The following TMEM230 variants were observed in gnomAD, a reference collection of about 807,000 sequenced individuals.
The protein encoded by TMEM230 is UPF0414 transmembrane protein C20orf30.
In TMEM230, 10 loss-of-function variants were observed where a neutral mutation model predicts 15.8. The observed-to-expected ratio is 0.63, with a 90% confidence interval of 0.39 to 1.07. The LOEUF is 1.07. Among genes scored for constraint, TMEM230 ranks in the 50% least tolerant of loss-of-function variants. The probability of loss-of-function intolerance (pLI) is 0.01; values close to 1 mark genes in which losing one functional copy is unlikely to be tolerated. For synonymous variants in TMEM230, 67 were observed against 76.9 expected (o/e 0.87, Z 0.68); for missense variants, 165 against 193.3 (o/e 0.85, Z 0.87).
chr20:5,110,742 G>C (rs1390928287), intron 2 of TMEM230, among the ~76,000 whole-genome samples: 1 of 151,916 alleles, frequency 6.6e-6, no homozygotes, highest in Non-Finnish European at 1.5e-5. Context: ...AAATTTTAAA[G>C]AAAGAAAGAA....
chr20:5,095,256 C>G (rs551845526), downstream of TMEM230, among the ~76,000 whole-genome samples: 15 of 152,136 alleles, frequency 9.9e-5, no homozygotes, highest in Non-Finnish European at 1.9e-4. Flanking sequence ...CAAGCCAGCA[C>G]CTCCAGTGTT....
chr20:5,069,419 T>G, intron 3 of TMEM230: 1 of 1,447,794 alleles, frequency 6.9e-7, no homozygotes, highest in South Asian at 1.4e-5. Flanking sequence ...AAATCCTAAT[T>G]GTCAAGAAAT....
downstream of TMEM230, chr20:5,067,410 C>CATATATATATATATATATAT (rs60791101): frequency 2.0e-5 from 2 of 102,308 alleles, no homozygotes; most frequent in Non-Finnish European, 4.0e-5. Flanking sequence ...TGTTTAGGCT[C>CATATATATATATATATATAT]ATATATATAT....
rs372558619 is a variant in TMEM230 at position 5,108,295 on chromosome 20, C to T, written c.288+1037G>A. ...TTAGCTGGGCGTGGTGGCGCATGCC[C>T]GTAATCCCAGCTACTTGGGAGGCTG... On this transcript the variant is annotated intron_variant, in intron 3 of 4. Coordinates refer to ENST00000342308, the MANE Select transcript of TMEM230 (RefSeq NM_001009923.2). Among the ~76,000 whole-genome samples the T allele has an allele frequency of 2.7e-3, 402 of 151,366 alleles. 3 individuals are homozygous for T. Among genetic ancestry groups the T allele is most frequent in the African/African-American group, 9.3e-3 (382 of 41,198 alleles).
chr20:5,087,018 C>T (rs1421906130), intron 3 of TMEM230, among the ~76,000 whole-genome samples: 1 of 152,132 alleles, frequency 6.6e-6, no homozygotes, highest in Admixed American at 6.5e-5. Flanking sequence ...GGACTTCAGG[C>T]ATGCACCACC....
chr20:5,073,274 G>A (rs1332765925), intron 3 of TMEM230, among the ~76,000 whole-genome samples: 6 of 152,246 alleles, frequency 3.9e-5, no homozygotes, highest in African/African-American at 1.4e-4. Flanking sequence ...AACGTCACAG[G>A]TGTGGGAAAG....
chr20:5,090,886 T>C (rs1253404517), intron 3 of TMEM230, among the ~76,000 whole-genome samples: 2 of 152,146 alleles, frequency 1.3e-5, no homozygotes, highest in Admixed American at 6.6e-5. Flanking sequence ...ATAAAAATAT[T>C]TCACATGGAA....
chr20:5,091,335 C>T (rs1467017654), intron 3 of TMEM230, among the ~76,000 whole-genome samples: 3 of 152,074 alleles, frequency 2.0e-5, no homozygotes, highest in Admixed American at 6.6e-5. Context: ...CTTGGCCTTC[C>T]AAGTAGCTGG....
intron 1 of TMEM230, chr20:5,111,722 TTCATCATTA>T: frequency 1.1e-6 from 1 of 932,200 alleles, no homozygotes; most frequent in East Asian, 1.2e-4. Flanking sequence ...ATTTTTAAAA[TTCATCATTA>T]TCATCATCAC....
At chr20:5,082,312 C>A (rs2089205411) in intron 3 of TMEM230, among the ~76,000 whole-genome samples, 1 of 152,092 alleles carries the variant, frequency 6.6e-6, no homozygotes, top group Non-Finnish European at 1.5e-5. Context: ...ATAATCCCGG[C>A]TCACTGCAAC....
chr20:5,102,154 T>C (rs955209344), intron 4 of TMEM230, among the ~76,000 whole-genome samples: 2 of 152,254 alleles, frequency 1.3e-5, no homozygotes, highest in Admixed American at 1.3e-4. Flanking sequence ...GGAAGTTTAC[T>C]GTTGCTCAAA....
At position 5,099,914 on chromosome 20, in the gene TMEM230, T is replaced by G. The variant is rs540970582; in HGVS notation, c.*877A>C. 75 of 984,254 alleles carry G rather than the reference T, an allele frequency of 7.6e-5. No homozygotes were observed. Among genetic ancestry groups the G allele is most frequent in the Non-Finnish European group, 8.6e-5 (71 of 828,962 alleles). The allele number at this position is 984,254 out of a possible 1,614,324, so 61.0% of individuals were successfully genotyped here. A position where few individuals can be genotyped will look rare whatever the true frequency, so the allele number is the denominator to read the frequency against. On this transcript the variant is annotated 3_prime_UTR_variant, in exon 5 of 5. Transcript: ENST00000342308. ...TCAACATTTTAATTTCTTTGGAATA[T>G]AAGTCACTTTTTGCAAGCTAAAAAA...
chr20:5,100,691 G>A lies in TMEM230; in HGVS notation c.*100C>T. 1 of 1,509,664 alleles carries A rather than the reference G, an allele frequency of 6.6e-7. No homozygotes were observed. The highest frequency in any genetic ancestry group is 8.9e-7 in the Non-Finnish European group (1 of 1,129,484). 93.5% of individuals were successfully genotyped at this position (1,509,664 alleles called of 1,614,324 possible). A position where few individuals can be genotyped will look rare whatever the true frequency, so the allele number is the denominator to read the frequency against. On this transcript the variant is annotated 3_prime_UTR_variant, in exon 5 of 5. Coordinates refer to ENST00000342308, the MANE Select transcript of TMEM230 (RefSeq NM_001009923.2). ...CTGGCCATTATTTTCTTAAACATCT[G>A]CAAGCTGCAGAATTCCTTAGTCCTC...
chr20:5,069,373 A>G, intron 3 of TMEM230: 1 of 1,518,192 alleles, frequency 6.6e-7, no homozygotes, highest in Non-Finnish European at 8.8e-7. Flanking sequence ...ACCCCTTCTC[A>G]ATTCCACCAC....
At chr20:5,107,686 T>A (rs1222862958) in intron 3 of TMEM230, among the ~76,000 whole-genome samples, 1 of 152,058 alleles carries the variant, frequency 6.6e-6, no homozygotes, top group Admixed American at 6.6e-5. Flanking sequence ...TGGTGGCACA[T>A]GCTTGTGGTC....
intron 3 of TMEM230, among the ~76,000 whole-genome samples, chr20:5,090,718 T>C (rs1366459683): frequency 1.5e-5 from 2 of 132,582 alleles, no homozygotes; most frequent in African/African-American, 5.1e-5. Context: ...GCAATATCAA[T>C]ATTAATATTG....
At chr20:5,107,525 AC>A (rs1220412898) in intron 3 of TMEM230, among the ~76,000 whole-genome samples, 11 of 152,180 alleles carry the variant, frequency 7.2e-5, no homozygotes, top group African/African-American at 2.7e-4. Context: ...ATCATAAGAA[AC>A]TTTTCTTTAA....
At chr20:5,107,918 C>A (rs1266478981) in intron 3 of TMEM230, among the ~76,000 whole-genome samples, 1 of 151,938 alleles carries the variant, frequency 6.6e-6, no homozygotes, top group Non-Finnish European at 1.5e-5. Context: ...TCGAGACCAG[C>A]CTGGCCAACA....
chr20:5,081,864 C>CTTTTTTTTTTTTTTTT (rs770805896), intron 3 of TMEM230, among the ~76,000 whole-genome samples: 1 of 140,334 alleles, frequency 7.1e-6, no homozygotes, highest in African/African-American at 3.0e-5. Flanking sequence ...CACTGATTTT[C>CTTTTTTTTTTTTTTTT]TTTTTTTTCT....
Sources: gnomAD v4.1 joint callset for allele counts (sites outside exome capture counted in the v4.1 genomes callset) on GRCh38, gnomAD v4.1.1 for gene constraint, MANE v1.5 for transcripts, NCBI Gene and HGNC (gene_info 2026-07-23, HGNC 2026-07-21) for gene names.